DIS3L2: variants seen among roughly 807,000 people sequenced by gnomAD.
DIS3L2 encodes the protein DIS3 like 3'-5' exoribonuclease 2.
A neutral mutation model predicts 97.5 loss-of-function variants in DIS3L2; 34 were observed. The observed-to-expected ratio is 0.35, with a 90% CI of 0.27 to 0.46. The LOEUF (loss-of-function observed/expected upper bound fraction) is 0.46, where lower values mean the gene tolerates loss of function less well. Ranked by LOEUF, DIS3L2 falls within the 20% of genes least tolerant of loss-of-function variation. The pLI is 1.00. For missense variants in DIS3L2, 1,038 were observed against 1,146.0 expected (o/e 0.91, Z 1.36); for synonymous variants, 435 against 445.2 (o/e 0.98, Z 0.29).
chr2:232,081,474 G>A (rs1038254376), intron 5 of DIS3L2, among the ~76,000 whole-genome samples: 3 of 131,314 alleles, frequency 2.3e-5, no homozygotes, highest in South Asian at 2.4e-4. Flanking sequence ...GCAAAATGGC[G>A]ATACCGAAAG....
At chr2:232,339,222 A>C (rs1279030422), downstream of DIS3L2, among the ~76,000 whole-genome samples, 1 of 152,222 alleles carries the variant, frequency 6.6e-6, no homozygotes, top group Non-Finnish European at 1.5e-5. Flanking sequence ...CTGGGGTGGC[A>C]GCCTCCTGGT....
At chr2:232,055,609 G>A (rs1401317864) in intron 5 of DIS3L2, among the ~76,000 whole-genome samples, 1 of 152,186 alleles carries the variant, frequency 6.6e-6, no homozygotes, top group Non-Finnish European at 1.5e-5. Flanking sequence ...TGTTGTGTGT[G>A]TGTGGAAAGT....
intron 11 of DIS3L2, among the ~76,000 whole-genome samples, chr2:232,248,285 A>G (rs1693320022): frequency 6.6e-6 from 1 of 152,206 alleles, no homozygotes; most frequent in Non-Finnish European, 1.5e-5. Context: ...AGTGTTATCC[A>G]TGCTCAACAC....
intron 3 of DIS3L2, among the ~76,000 whole-genome samples, chr2:232,016,578 T>C (rs953112689): frequency 2.6e-5 from 4 of 151,960 alleles, no homozygotes; most frequent in Non-Finnish European, 4.4e-5. Context: ...GTGATATGTG[T>C]GTGGGAGGTA....
At position 232,336,864 on chromosome 2, in the gene DIS3L2, C is replaced by T. The variant is rs1695974113; in HGVS notation, c.*234C>T. ...TGACCCCAGCAGAGCAGGCCCCAGT[C>T]CTCCTGGGAGGCTGGCCCCCCTTTT... On this transcript the variant is annotated 3_prime_UTR_variant, in exon 21 of 21. Coordinates refer to ENST00000325385, the MANE Select transcript of DIS3L2 (RefSeq NM_152383.5). 1.5e-6 allele frequency: 2 copies of T among 1,355,524 alleles called. No homozygotes were observed. The highest frequency in any genetic ancestry group is 2.9e-5 in the African/African-American group (2 of 67,846). 84.0% of individuals were successfully genotyped at this position (1,355,524 alleles called of 1,614,324 possible).
chr2:232,200,311 A>G (rs1390479102), intron 9 of DIS3L2, among the ~76,000 whole-genome samples: 1 of 152,150 alleles, frequency 6.6e-6, no homozygotes, highest in Non-Finnish European at 1.5e-5. Context: ...TCAACCCAAC[A>G]TTTTCTAACT....
intron 1 of DIS3L2, among the ~76,000 whole-genome samples, chr2:231,987,615 A>G (rs1455166402): frequency 6.6e-6 from 1 of 152,230 alleles, no homozygotes; most frequent in Admixed American, 6.5e-5. Context: ...TTTAGAAGGC[A>G]TGCGTAAGCA....
chr2:232,142,668 C>T (rs1383994788), intron 8 of DIS3L2, among the ~76,000 whole-genome samples: 3 of 152,076 alleles, frequency 2.0e-5, no homozygotes, highest in Non-Finnish European at 4.4e-5. Context: ...ATAAAAACAC[C>T]GTTCCTGAAG....
chr2:232,037,423 T>C lies in DIS3L2; in HGVS notation c.366+7343T>C, dbSNP rs868210942. ...GTGTCCCAGGTCGACTTCAGACTGC[T>C]ATGCTGGCAGCAAGAATTTCAAACC... On this transcript the variant is annotated intron_variant, in intron 5 of 20. Coordinates refer to ENST00000325385, the MANE Select transcript of DIS3L2 (RefSeq NM_152383.5). This position sits in a 1 kb window ranked among gnomAD's most constrained non-coding sequence, Gnocchi z 4.6. 1.3e-5 allele frequency among the ~76,000 whole-genome samples: 2 copies of C among 152,214 alleles called. No homozygotes were observed. Among genetic ancestry groups the C allele is most frequent in the African/African-American group, 2.4e-5 (1 of 41,460 alleles).
intron 1 of DIS3L2, among the ~76,000 whole-genome samples, chr2:231,973,185 A>C (rs1281169547): frequency 6.6e-6 from 1 of 152,210 alleles, no homozygotes; most frequent in African/African-American, 2.4e-5. Context: ...CTGCAAATTC[A>C]ATTCCTTTTT....
At chr2:232,319,777 A>G (rs1410141909) in intron 14 of DIS3L2, among the ~76,000 whole-genome samples, 2 of 152,204 alleles carry the variant, frequency 1.3e-5, no homozygotes, top group Non-Finnish European at 2.9e-5. Flanking sequence ...AGGCTGCCCT[A>G]CAAGATGGGC....
At chr2:232,168,985 A>G (rs188159731) in intron 9 of DIS3L2, among the ~76,000 whole-genome samples, 1 of 152,290 alleles carries the variant, frequency 6.6e-6, no homozygotes, top group Admixed American at 6.5e-5. Flanking sequence ...ACAAAAATAG[A>G]TGTATTCACT....
chr2:232,056,582 GA>G, intron 5 of DIS3L2, among the ~76,000 whole-genome samples: 1 of 151,612 alleles, frequency 6.6e-6, no homozygotes, highest in East Asian at 1.9e-4. Context: ...ACATAATTGA[GA>G]AAAAAAACAG....
intron 14 of DIS3L2, among the ~76,000 whole-genome samples, chr2:232,303,701 TCTGG>T (rs1453336315): frequency 3.3e-5 from 5 of 152,204 alleles, no homozygotes; most frequent in African/African-American, 9.7e-5. Flanking sequence ...TTTTATATTT[TCTGG>T]ATTCTTTTAT....
At chr2:232,209,013 T>G (rs1231863752) in intron 9 of DIS3L2, among the ~76,000 whole-genome samples, 1 of 152,178 alleles carries the variant, frequency 6.6e-6, no homozygotes. Flanking sequence ...TTTTAAACAT[T>G]TGACATTTCT....
intron 9 of DIS3L2, among the ~76,000 whole-genome samples, chr2:232,191,321 T>C (rs1292940395): frequency 6.6e-6 from 1 of 152,164 alleles, no homozygotes; most frequent in Non-Finnish European, 1.5e-5. Flanking sequence ...TTTTCAACAA[T>C]GGGAAATCTT....
intron 9 of DIS3L2, among the ~76,000 whole-genome samples, chr2:232,182,984 C>T (rs949534045): frequency 1.3e-5 from 2 of 152,082 alleles, no homozygotes; most frequent in Non-Finnish European, 2.9e-5. Flanking sequence ...CCTCTAAGTT[C>T]GTAGGTTGAA....
chr2:232,032,284 T>A (rs1265020564), intron 5 of DIS3L2, among the ~76,000 whole-genome samples: 2 of 152,228 alleles, frequency 1.3e-5, no homozygotes, highest in Non-Finnish European at 2.9e-5. Context: ...TTTTTATATG[T>A]CTGTTGGCCA....
At chr2:232,087,893 AAG>A (rs1696712647) in intron 6 of DIS3L2, 172 bp downstream of exon 6, 2 of 588,088 alleles carry the variant, frequency 3.4e-6, no homozygotes, top group Non-Finnish European at 6.0e-6. Flanking sequence ...CTGGTTATGA[AAG>A]AGGGGATGAA....
Sources: allele counts gnomAD v4.1 joint callset (sites outside exome capture counted in the v4.1 genomes callset), GRCh38; gene constraint gnomAD v4.1.1; non-coding constraint Gnocchi (gnomAD v3.1); transcripts MANE v1.5; gene names NCBI Gene and HGNC (gene_info 2026-07-23, HGNC 2026-07-21).